NELL2: variants seen among roughly 807,000 people sequenced by gnomAD.
The protein encoded by NELL2 is neural EGFL like 2.
A neutral mutation model predicts 109.6 loss-of-function variants in NELL2; 41 were observed. The ratio of observed to expected loss-of-function variants is 0.37; its 90% CI spans 0.29 to 0.49. The LOEUF (loss-of-function observed/expected upper bound fraction) is 0.49, where lower values mean the gene tolerates loss of function less well. NELL2 is among the 20% of genes least tolerant of loss of function. The probability of loss-of-function intolerance (pLI) is 0.98; values close to 1 mark genes in which losing one functional copy is unlikely to be tolerated. For synonymous variants in NELL2, 355 were observed against 344.7 expected, an observed-to-expected ratio of 1.03 and a Z score of -0.33; for missense variants, 900 against 1,008.3, an observed-to-expected ratio of 0.89 and a Z score of 1.45.
At chr12:44,733,937 T>A (rs1280445607) in intron 9 of NELL2, among the ~76,000 whole-genome samples, 1 of 152,072 alleles carries the variant, frequency 6.6e-6, no homozygotes, top group African/African-American at 2.4e-5. Context: ...ATAAAATCAG[T>A]ATTTATAAAT....
At chr12:44,862,931 T>TA (rs1380666708) in intron 2 of NELL2, among the ~76,000 whole-genome samples, 1 of 152,092 alleles carries the variant, frequency 6.6e-6, no homozygotes, top group Non-Finnish European at 1.5e-5. Flanking sequence ...AAGAGACAAG[T>TA]AAAAAAGCAT....
At chr12:44,626,649 CAG>C (rs1021584962) in intron 13 of NELL2, among the ~76,000 whole-genome samples, 3 of 152,112 alleles carry the variant, frequency 2.0e-5, no homozygotes, top group Non-Finnish European at 4.4e-5. Context: ...ACAGTAGAAA[CAG>C]AGAATTTTAA....
intron 15 of NELL2, among the ~76,000 whole-genome samples, chr12:44,535,841 T>A (rs1160129304): frequency 6.6e-6 from 1 of 151,912 alleles, no homozygotes; most frequent in African/African-American, 2.4e-5. Context: ...CAATATAGGG[T>A]AATTATTCAT....
intron 9 of NELL2, among the ~76,000 whole-genome samples, chr12:44,767,657 AAAT>A (rs1941389824): frequency 6.6e-6 from 1 of 152,218 alleles, no homozygotes; most frequent in African/African-American, 2.4e-5. Flanking sequence ...GGAAGAAATA[AAAT>A]AATAAACTAT....
chr12:44,537,886 AT>A (rs1942366995), intron 15 of NELL2, among the ~76,000 whole-genome samples: 1 of 152,168 alleles, frequency 6.6e-6, no homozygotes, highest in Admixed American at 6.6e-5. Context: ...TTTCTCATGA[AT>A]TTTTTGAAAA....
chr12:44,910,752 A>G (rs780722014), intron 1 of NELL2, among the ~76,000 whole-genome samples: 8 of 152,072 alleles, frequency 5.3e-5, no homozygotes, highest in Admixed American at 2.0e-4. Flanking sequence ...TGTGGTACAT[A>G]TATATGTGGA....
At chr12:44,908,478 A>G (rs887903894) in intron 1 of NELL2, among the ~76,000 whole-genome samples, 3 of 151,978 alleles carry the variant, frequency 2.0e-5, no homozygotes, top group Non-Finnish European at 4.4e-5. Context: ...CAAGGTTGCA[A>G]TTATTTTTAT....
chr12:44,866,845 A>G lies in NELL2; in HGVS notation c.184+8380T>C, dbSNP rs138343759. Among the ~76,000 whole-genome samples the G allele has an allele frequency of 5.8e-3, 881 of 152,194 alleles. 4 individuals carry two copies. The highest frequency in any genetic ancestry group is 8.3e-3 in the Non-Finnish European group (561 of 67,992). ...AAACATCATGAGACTACTATAAACA[A>G]TTATATGCCAACAAATTAGATAAAC... On this transcript the variant is annotated intron_variant, in intron 2 of 19. Coordinates refer to ENST00000429094, the MANE Select transcript of NELL2 (RefSeq NM_001145108.2).
intron 15 of NELL2, among the ~76,000 whole-genome samples, chr12:44,550,869 G>A (rs1290339349): frequency 6.6e-6 from 1 of 152,110 alleles, no homozygotes; most frequent in Non-Finnish European, 1.5e-5. Flanking sequence ...AGGTTAAGGG[G>A]AAAGGGGAAG....
chr12:44,771,123 G>A (rs1320719786), intron 9 of NELL2, among the ~76,000 whole-genome samples: 1 of 151,892 alleles, frequency 6.6e-6, no homozygotes, highest in Non-Finnish European at 1.5e-5. Context: ...ATTTTCTACA[G>A]CTATCTTGAA....
intron 16 of NELL2, 159 bp downstream of exon 16, chr12:44,532,422 A>T (rs1942111974): frequency 3.4e-6 from 2 of 589,194 alleles, no homozygotes; most frequent in Non-Finnish European, 5.1e-6. Context: ...TACCATAATT[A>T]GCAAGAAAAA....
intron 2 of NELL2, among the ~76,000 whole-genome samples, chr12:44,863,092 C>T (rs1344401399): frequency 2.6e-5 from 4 of 152,070 alleles, no homozygotes; most frequent in Non-Finnish European, 4.4e-5. Context: ...ATTCGTTCCC[C>T]TAGCCCCCCA....
intron 3 of NELL2, among the ~76,000 whole-genome samples, chr12:44,780,401 T>A (rs969501079): frequency 3.3e-5 from 5 of 151,892 alleles, no homozygotes; most frequent in Admixed American, 6.6e-5. Flanking sequence ...TAGATAATAA[T>A]CTCTCTGTTC....
chr12:44,876,333 A>G (rs901739924), upstream of NELL2: 1 of 1,159,032 alleles, frequency 8.6e-7, no homozygotes, highest in Non-Finnish European at 1.1e-6. Flanking sequence ...GCTCCGGGAG[A>G]CGCGCGGAGA....
Position 44,522,110 on chromosome 12 carries a change from A to G in NELL2, c.2065T>C (p.Cys689Arg), listed in dbSNP as rs753086533. The G allele has an allele frequency of 2.5e-6, 4 of 1,614,044 alleles. No individual in the cohort carries two copies. The highest frequency in any genetic ancestry group is 1.3e-5 in the African/African-American group (1 of 74,910). Residue 689 changes from cysteine to arginine, a missense_variant, in exon 18 of 20, where the codon TGC becomes CGC. Physicochemically the swap from Cys to Arg is radical, Grantham distance 180 (BLOSUM62 -3). This residue lies in a region of NELL2 where 333 missense variants were observed against 432.3 expected (regional missense o/e 0.77). Coordinates refer to ENST00000429094, the MANE Select transcript of NELL2 (RefSeq NM_001145108.2). The stretch of plus-strand genomic sequence containing the variant: ...CTAAGCCTTGGGTCACATTCAGGGC[A>G]GCAAAAAAGATCAACTGTGGGATTC... Reference protein sequence around the residue: ...CENPTVDLFCCPECDPRLSSQ... With the variant: ...CENPTVDLFCRPECDPRLSSQ...
chr12:44,784,780 A>C (rs1371597340), intron 3 of NELL2, among the ~76,000 whole-genome samples: 9 of 152,140 alleles, frequency 5.9e-5, no homozygotes, highest in Admixed American at 6.5e-5. Flanking sequence ...TGACAAAAAA[A>C]CATATGATTA....
At chr12:44,914,257 ACCTTACCCCTCTGATATCGCTCT>A (rs1945809379), upstream of NELL2, 1 of 152,742 alleles carries the variant, frequency 6.5e-6, no homozygotes, top group South Asian at 2.1e-4. Flanking sequence ...GATCTTGTCC[ACCTTACCCCTCTGATATCGCTCT>A]CCTTCCCTTG....
At chr12:44,834,161 A>T (rs1566496400) in intron 2 of NELL2, among the ~76,000 whole-genome samples, 1 of 152,154 alleles carries the variant, frequency 6.6e-6, no homozygotes, top group East Asian at 1.9e-4. Flanking sequence ...CCCAAACATC[A>T]ATAATATATT....
In NELL2 at chr12:44,904,976, G is replaced by A. The variant is rs1369180733; in HGVS notation, c.38+8823C>T. Among the ~76,000 whole-genome samples, 4 of 152,002 alleles carry A rather than the reference G, an allele frequency of 2.6e-5. No homozygotes were observed. The East Asian group carries it at 5.8e-4, about 22-fold the overall frequency. ...TCCAGTGAGAGTTAAACAGTTTTAAGCAGAGACAAAAGTAACCTGAACACC... is the reference window on the plus strand; with the variant it reads ...TCCAGTGAGAGTTAAACAGTTTTAAACAGAGACAAAAGTAACCTGAACACC... On this transcript the variant is annotated intron_variant, in intron 1 of 20. Coordinates refer to the NELL2 transcript ENST00000333837.
Sources: gnomAD v4.1 joint callset for allele counts (sites outside exome capture counted in the v4.1 genomes callset) on GRCh38, gnomAD v4.1.1 for gene constraint, gnomAD v4.1.1 regional missense constraint, MANE v1.5 for transcripts, NCBI Gene and HGNC (gene_info 2026-07-23, HGNC 2026-07-21) for gene names.